NEK10: variants seen among roughly 807,000 people sequenced by gnomAD.
NEK10 encodes the protein NIMA related kinase 10, also known as serine/threonine-protein kinase Nek10.
Under a neutral mutation model 159.8 loss-of-function variants are expected in NEK10, and 122 were observed. The ratio of observed to expected loss-of-function variants is 0.76; its 90% confidence interval spans 0.66 to 0.89. The LOEUF is 0.89. NEK10 is among the 40% of genes least tolerant of loss of function. The probability of loss-of-function intolerance (pLI) is 0.00; values close to 1 mark genes in which losing one functional copy is unlikely to be tolerated. For missense variants in NEK10, 1,342 were observed against 1,323.1 expected, an observed-to-expected ratio of 1.01 and a Z score of -0.22; for synonymous variants, 466 against 457.1, an observed-to-expected ratio of 1.02 and a Z score of -0.25.
rs570161924 is a variant in NEK10 at position 27,151,629 on chromosome 3, AC to A, written c.2870-10048del. Among the ~76,000 whole-genome samples the A allele has an allele frequency of 4.7e-3, 716 of 152,292 alleles. 4 individuals carry two copies. Among genetic ancestry groups the A allele is most frequent in the Non-Finnish European group, 8.1e-3 (548 of 68,030 alleles). ...CACCCCCCAAAAATCACACTTGTTCACCAGCAATGGAGCCAAACCAAGAAGA... is the reference window on the plus strand; with the variant it reads ...CACCCCCCAAAAATCACACTTGTTCACAGCAATGGAGCCAAACCAAGAAGA... On this transcript the variant is annotated intron_variant, in intron 30 of 35. Transcript: ENST00000691995.
intron 19 of NEK10, among the ~76,000 whole-genome samples, chr3:27,289,552 G>A (rs763189874): frequency 6.6e-6 from 1 of 152,208 alleles, no homozygotes; most frequent in Admixed American, 6.5e-5. Context: ...CAAGTGGCCA[G>A]CAGATCGTAA....
At chr3:27,225,328 G>A (rs1293071263) in intron 23 of NEK10, among the ~76,000 whole-genome samples, 1 of 152,054 alleles carries the variant, frequency 6.6e-6, no homozygotes, top group Admixed American at 6.5e-5. Context: ...ATCTCCTTTG[G>A]CAACATCCTC....
chr3:27,197,666 G>A (rs944519356), intron 25 of NEK10, among the ~76,000 whole-genome samples: 5 of 152,124 alleles, frequency 3.3e-5, no homozygotes, highest in African/African-American at 4.8e-5. Flanking sequence ...AGGAGTTTTT[G>A]AGCCAATACT....
At chr3:27,307,495 T>C (rs6807416) in intron 11 of NEK10, among the ~76,000 whole-genome samples, 7,013 of 152,278 alleles carry the variant, frequency 0.046, 286 homozygotes, top group African/African-American at 0.11. Flanking sequence ...AAATGGATTT[T>C]AGCAACCTAA....
intron 26 of NEK10, among the ~76,000 whole-genome samples, chr3:27,188,025 T>G (rs949683558): frequency 6.6e-6 from 1 of 152,226 alleles, no homozygotes; most frequent in Admixed American, 6.5e-5. Flanking sequence ...CTTGGACAAG[T>G]CTTTTAACTT....
intron 13 of NEK10, among the ~76,000 whole-genome samples, chr3:27,301,074 G>A (rs983648317): frequency 2.6e-5 from 4 of 152,062 alleles, no homozygotes; most frequent in Admixed American, 1.3e-4. Flanking sequence ...GCCGCTCTAG[G>A]GCACCCAAAT....
chr3:27,336,377 C>G (rs1337555636), intron 5 of NEK10, among the ~76,000 whole-genome samples: 1 of 151,992 alleles, frequency 6.6e-6, no homozygotes, highest in African/African-American at 2.4e-5. Context: ...AATGAAAAGC[C>G]TAGGACTGGT....
At chr3:27,345,633 T>G (rs2047498025) in intron 4 of NEK10, among the ~76,000 whole-genome samples, 1 of 152,150 alleles carries the variant, frequency 6.6e-6, no homozygotes, top group Non-Finnish European at 1.5e-5. Flanking sequence ...GAGATGAACA[T>G]TACCTGACAC....
intron 26 of NEK10, among the ~76,000 whole-genome samples, chr3:27,187,339 G>C (rs1376390278): frequency 1.3e-5 from 2 of 152,130 alleles, no homozygotes; most frequent in Non-Finnish European, 2.9e-5. Context: ...TAGACCAAAA[G>C]AGAACGACAT....
chr3:27,226,197 ATT>A (rs11328346), intron 23 of NEK10, among the ~76,000 whole-genome samples: 47 of 143,024 alleles, frequency 3.3e-4, no homozygotes, highest in African/African-American at 1.1e-3. Flanking sequence ...ACGCCCGGCT[ATT>A]TTTTTTTTTT....
In NEK10 at chr3:27,332,881, C is replaced by T. The variant is rs115434387; in HGVS notation, c.363-10620G>A. 6.4e-4 allele frequency among the ~76,000 whole-genome samples: 97 copies of T among 152,166 alleles called. 1 individual carries two copies. Among genetic ancestry groups the T allele is most frequent in the Non-Finnish European group, 1.1e-3 (72 of 68,002 alleles). ...ACTCTACTACACACAAATGACGTCA[C>T]GAGAGAAAAAAAGATTGGAAGACCA... On this transcript the variant is annotated intron_variant, in intron 5 of 35. Transcript: ENST00000691995.
chr3:27,176,599 T>G (rs1388060502), intron 26 of NEK10, among the ~76,000 whole-genome samples: 1 of 152,208 alleles, frequency 6.6e-6, no homozygotes, highest in Non-Finnish European at 1.5e-5. Context: ...TGCCTACCTC[T>G]TTTCTTCGTC....
intron 32 of NEK10, among the ~76,000 whole-genome samples, chr3:27,125,531 C>T (rs1040921325): frequency 6.6e-6 from 1 of 152,152 alleles, no homozygotes; most frequent in Non-Finnish European, 1.5e-5. Context: ...TTATAAGATA[C>T]AACATATTGC....
At chr3:27,230,157 C>A (rs533400509) in intron 23 of NEK10, among the ~76,000 whole-genome samples, 25 of 152,086 alleles carry the variant, frequency 1.6e-4, no homozygotes, top group African/African-American at 5.8e-4. Flanking sequence ...ACCGATCAGA[C>A]TAACAGAAGA....
intron 29 of NEK10, among the ~76,000 whole-genome samples, chr3:27,164,210 C>T (rs1946276451): frequency 6.6e-6 from 1 of 152,122 alleles, no homozygotes; most frequent in African/African-American, 2.4e-5. Flanking sequence ...CTGATCCTGC[C>T]CTCAGAAAGT....
intron 1 of NEK10, among the ~76,000 whole-genome samples, chr3:27,360,421 G>GTA (rs1351770363): frequency 2.6e-5 from 4 of 152,252 alleles, no homozygotes; most frequent in African/African-American, 9.6e-5. Context: ...CAAAACAAAT[G>GTA]TATAGGTCAC....
At chr3:27,231,232 T>C (rs1394795271) in intron 23 of NEK10, among the ~76,000 whole-genome samples, 3 of 151,760 alleles carry the variant, frequency 2.0e-5, no homozygotes, top group Non-Finnish European at 4.4e-5. Flanking sequence ...AAACAAATAC[T>C]TGAAAATTAA....
At chr3:27,137,351 G>T (rs1052763073) in intron 31 of NEK10, among the ~76,000 whole-genome samples, 10 of 152,010 alleles carry the variant, frequency 6.6e-5, no homozygotes, top group Non-Finnish European at 1.5e-4. Context: ...TAAGAAAATG[G>T]TATACATTAT....
intron 19 of NEK10, among the ~76,000 whole-genome samples, chr3:27,288,227 A>G (rs1362593982): frequency 6.6e-6 from 1 of 152,186 alleles, no homozygotes; most frequent in East Asian, 1.9e-4. Context: ...CTCCAAAATG[A>G]TTAGTAGAAA....
Sources: gnomAD v4.1 joint callset for allele counts (sites outside exome capture counted in the v4.1 genomes callset) on GRCh38, gnomAD v4.1.1 for gene constraint, MANE v1.5 for transcripts, NCBI Gene and HGNC (gene_info 2026-07-23, HGNC 2026-07-21) for gene names.